Variants in XYLT1 observed in about 807,000 individuals in gnomAD.
XYLT1 encodes the protein xylosyltransferase 1, also known as beta-D-xylosyltransferase 1.
XYLT1 carries 36 observed loss-of-function variants against 91.3 expected under a neutral mutation model. The observed-to-expected ratio is 0.39, with a 90% confidence interval of 0.30 to 0.52. XYLT1 has a LOEUF of 0.52. Among genes scored for constraint, XYLT1 ranks in the 20% least tolerant of loss-of-function variants. The pLI, the probability that XYLT1 is intolerant of heterozygous loss-of-function variation, is 0.68. For missense variants in XYLT1, 1,242 were observed against 1,284.5 expected (o/e 0.97, Z 0.51); for synonymous variants, 588 against 532.0 (o/e 1.11, Z -1.45).
At chr16:17,457,818 C>T (rs544973817) in intron 1 of XYLT1, among the ~76,000 whole-genome samples, 1 of 152,182 alleles carries the variant, frequency 6.6e-6, no homozygotes, top group African/African-American at 2.4e-5. Flanking sequence ...ATCTGCAAAG[C>T]ATAGTCCTCC....
At chr16:17,364,383 G>C (rs2035422174) in intron 1 of XYLT1, among the ~76,000 whole-genome samples, 1 of 152,168 alleles carries the variant, frequency 6.6e-6, no homozygotes, top group South Asian at 2.1e-4. Context: ...GCTCCTCTTT[G>C]TCTTGAACAC....
chr16:17,178,618 A>T (rs1253616271), intron 5 of XYLT1, among the ~76,000 whole-genome samples: 1 of 152,194 alleles, frequency 6.6e-6, no homozygotes, highest in Non-Finnish European at 1.5e-5. Context: ...ATTGCCTGCC[A>T]CCTGTTTTTA....
At chr16:17,206,651 G>C (rs569833253) in intron 3 of XYLT1, among the ~76,000 whole-genome samples, 2 of 152,188 alleles carry the variant, frequency 1.3e-5, no homozygotes, top group South Asian at 4.1e-4. Context: ...CAGAAGGACT[G>C]CTTGAGTCCA....
chr16:17,224,942 A>G (rs953746583), intron 3 of XYLT1, among the ~76,000 whole-genome samples: 4 of 152,206 alleles, frequency 2.6e-5, no homozygotes, highest in African/African-American at 9.7e-5. Context: ...GCAGCCACAG[A>G]CAAGACCAAA....
intron 10 of XYLT1, among the ~76,000 whole-genome samples, chr16:17,125,707 T>G (rs1366804228): frequency 2.0e-5 from 3 of 152,130 alleles, no homozygotes; most frequent in Non-Finnish European, 4.4e-5. Flanking sequence ...TGAATGAAGT[T>G]TTCTCTAGAA....
chr16:17,254,646 C>T (rs1346680421), intron 3 of XYLT1, among the ~76,000 whole-genome samples: 3 of 152,162 alleles, frequency 2.0e-5, no homozygotes, highest in East Asian at 1.9e-4. Flanking sequence ...CCACCTGCCT[C>T]GGCCTCCCAA....
chr16:17,144,483 G>A (rs1214530439), intron 6 of XYLT1, among the ~76,000 whole-genome samples: 4 of 152,176 alleles, frequency 2.6e-5, no homozygotes. Context: ...GCATGCTGTG[G>A]ACTTGGTTGG....
intron 2 of XYLT1, among the ~76,000 whole-genome samples, chr16:17,284,314 C>A (rs1331723728): frequency 2.0e-5 from 3 of 152,164 alleles, no homozygotes; most frequent in Non-Finnish European, 2.9e-5. Flanking sequence ...AACACTGGAG[C>A]ACCTTCTAGG....
chr16:17,379,763 T>TCTCTCTCTCTCACA (rs373354877), intron 1 of XYLT1, among the ~76,000 whole-genome samples: 11 of 125,620 alleles, frequency 8.8e-5, no homozygotes, highest in East Asian at 2.2e-4. Context: ...TCTCTCTCTC[T>TCTCTCTCTCTCACA]CACACACACA....
chr16:17,369,642 A>C (rs2035503313), intron 1 of XYLT1: 1 of 152,376 alleles, frequency 6.6e-6, no homozygotes, highest in Admixed American at 6.5e-5. Context: ...TTCACAGCAG[A>C]AACAGAAAAA....
In XYLT1 at chr16:17,117,628, G is replaced by C; in HGVS notation, c.2557+18C>G. 6.2e-7 allele frequency: 1 copy of C among 1,600,682 alleles called. No individual in the cohort carries two copies. Among genetic ancestry groups the C allele is most frequent in the Non-Finnish European group, 8.5e-7 (1 of 1,170,590 alleles). ...AGGGAAGGAGTATTTCTCCCACATA[G>C]ACACTGGGAGTACTTACCAGGTTTG... On this transcript the variant is annotated intron_variant, in intron 11 of 11. Coordinates refer to ENST00000261381, the MANE Select transcript of XYLT1 (RefSeq NM_022166.4).
At chr16:17,204,418 C>A (rs2032602065) in intron 3 of XYLT1, among the ~76,000 whole-genome samples, 2 of 137,778 alleles carry the variant, frequency 1.5e-5, no homozygotes, top group Admixed American at 1.5e-4. Context: ...TGGGGAGCTG[C>A]AAAGAGAATG....
chr16:17,328,242 C>T (rs2034842285), intron 2 of XYLT1, among the ~76,000 whole-genome samples: 1 of 151,990 alleles, frequency 6.6e-6, no homozygotes, highest in South Asian at 2.1e-4. Context: ...TTGTCACAAT[C>T]AGGCATATTA....
intron 3 of XYLT1, among the ~76,000 whole-genome samples, chr16:17,246,689 CACACCTGGCATTCAGGA>C (rs2033440241): frequency 6.6e-6 from 1 of 152,202 alleles, no homozygotes; most frequent in South Asian, 2.1e-4. Context: ...TGCTCGCCTC[CACACCTGGCATTCAGGA>C]AGTGCCTAAG....
Position 17,338,961 on chromosome 16 carries a change from G to C in XYLT1, c.402+19051C>G, listed in dbSNP as rs149992657. Among the ~76,000 whole-genome samples the C allele has an allele frequency of 4.4e-3, 668 of 152,290 alleles. 5 individuals are homozygous for C. The highest frequency in any genetic ancestry group is 7.7e-3 in the Non-Finnish European group (526 of 68,028). ...CCCACTCCTACATGATCACAGAACT[G>C]ATAACACTCCGCAAGGGAGAAACAT... On this transcript the variant is annotated intron_variant, in intron 2 of 11. Coordinates refer to ENST00000261381, the MANE Select transcript of XYLT1 (RefSeq NM_022166.4).
chr16:17,130,479 C>G (rs1567285715), intron 9 of XYLT1, among the ~76,000 whole-genome samples: 1 of 151,624 alleles, frequency 6.6e-6, no homozygotes, highest in Non-Finnish European at 1.5e-5. Context: ...CTCCCTTCAC[C>G]TTCTTTATAT....
At chr16:17,202,205 A>T (rs1222385760) in intron 3 of XYLT1, among the ~76,000 whole-genome samples, 2 of 152,190 alleles carry the variant, frequency 1.3e-5, no homozygotes. Flanking sequence ...GGGACCCAGG[A>T]CATTGTCAGG....
chr16:17,324,632 T>C (rs1567374894), intron 2 of XYLT1, among the ~76,000 whole-genome samples: 1 of 152,244 alleles, frequency 6.6e-6, no homozygotes, highest in Non-Finnish European at 1.5e-5. Flanking sequence ...ACCCTGGGGA[T>C]GGCACTGGTC....
intron 3 of XYLT1, among the ~76,000 whole-genome samples, chr16:17,225,177 A>ACT (rs1555488928): frequency 3.0e-4 from 44 of 147,412 alleles, no homozygotes; most frequent in South Asian, 1.5e-3. Context: ...ACACACACAC[A>ACT]CTCTCTCTCT....
Sources: gnomAD v4.1 joint callset for allele counts (sites outside exome capture counted in the v4.1 genomes callset) on GRCh38, gnomAD v4.1.1 for gene constraint, MANE v1.5 for transcripts, NCBI Gene and HGNC (gene_info 2026-07-23, HGNC 2026-07-21) for gene names.